The following TBXAS1 variants were observed in gnomAD, a reference collection of about 807,000 sequenced individuals.
TBXAS1 encodes the protein thromboxane-A synthase.
In TBXAS1, 48 loss-of-function variants were observed where a neutral mutation model predicts 60.7. The observed-to-expected ratio is 0.79, with a 90% confidence interval of 0.63 to 1.01. TBXAS1 has a LOEUF of 1.01. Among genes scored for constraint, TBXAS1 ranks in the 50% least tolerant of loss-of-function variants. The pLI, the probability that TBXAS1 is intolerant of heterozygous loss-of-function variation, is 0.00. For missense variants in TBXAS1, 685 were observed against 686.3 expected (o/e 1.00, Z 0.02); for synonymous variants, 287 against 269.7 (o/e 1.06, Z -0.63).
rs57545948 is a variant in TBXAS1 at position 139,852,935 on chromosome 7, TACACACAC to T, written c.90-19252_90-19245del. Among the ~76,000 whole-genome samples, 2,877 of 127,432 alleles carry T rather than the reference TACACACAC, an allele frequency of 0.023. 49 individuals carry two copies. The highest frequency in any genetic ancestry group is 0.04 in the East Asian group (166 of 4,138). 83.6% of individuals were successfully genotyped at this position (127,432 alleles called of 152,430 possible). A position where few individuals can be genotyped will look rare whatever the true frequency, so the allele number is the denominator to read the frequency against. ...TGTGTACCAACCTTGGCTACTCCAA[TACACACAC>T]ACACACACACACACACACACACACA... On this transcript the variant is annotated intron_variant, in intron 1 of 12. Coordinates refer to ENST00000448866, the MANE Select transcript of TBXAS1 (RefSeq NM_001061.7). This position sits in a 1 kb window ranked among gnomAD's most constrained non-coding sequence, Gnocchi z 4.4.
intron 3 of TBXAS1, among the ~76,000 whole-genome samples, chr7:139,891,203 C>T (rs1039790389): frequency 6.6e-6 from 1 of 151,702 alleles, no homozygotes; most frequent in African/African-American, 2.4e-5. Flanking sequence ...TGTGGGAGAA[C>T]TCTATGGGCT....
chr7:139,898,413 CTTTTTTTTTTTTTTTTTTTTT>C (rs71170921), intron 3 of TBXAS1, among the ~76,000 whole-genome samples: 3 of 82,222 alleles, frequency 3.6e-5, no homozygotes, highest in Non-Finnish European at 2.2e-5. Context: ...ACGTGCATGG[CTTTTTTTTTTTTTTTTTTTTT>C]TTTTTTTTTT....
At chr7:139,791,142 G>T (rs1797369021) in intron 4 of TBXAS1, among the ~76,000 whole-genome samples, 1 of 152,212 alleles carries the variant, frequency 6.6e-6, no homozygotes, top group Non-Finnish European at 1.5e-5. Context: ...CCACAAAAAA[G>T]AACCCAGAAA....
intron 5 of TBXAS1, among the ~76,000 whole-genome samples, chr7:139,939,474 A>AT (rs368458774): frequency 0.03 from 4,503 of 150,800 alleles, 200 homozygotes; most frequent in African/African-American, 0.1. Flanking sequence ...CTTGAAAGGC[A>AT]TTTTTTTCTA....
At chr7:139,892,909 A>G (rs1584784233) in intron 3 of TBXAS1, among the ~76,000 whole-genome samples, 2 of 152,158 alleles carry the variant, frequency 1.3e-5, no homozygotes, top group East Asian at 3.9e-4. Context: ...AAGGGGAGAC[A>G]GCACACATCA....
intron 4 of TBXAS1, among the ~76,000 whole-genome samples, chr7:139,823,138 A>C (rs188257763): frequency 2.7e-4 from 41 of 151,802 alleles, no homozygotes; most frequent in African/African-American, 8.2e-4. Context: ...GTCTAAGCTC[A>C]AATGTCATTA....
rs1569513247 is a variant in TBXAS1, at chr7:139,916,329, G to T, written c.333+5008G>T. On this transcript the variant is annotated intron_variant, in intron 4 of 12. Transcript: ENST00000448866. This position sits in a 1 kb window ranked among gnomAD's most constrained non-coding sequence, Gnocchi z 4.2. ...TAGCTTGGTCTGGTCAGATAGGCAT[G>T]TCAGGGATGTGTCAAAACACTAAGC... 6.6e-6 allele frequency among the ~76,000 whole-genome samples: 1 copy of T among 152,190 alleles called. No individual in the cohort carries two copies. The highest frequency in any genetic ancestry group is 1.5e-5 in the Non-Finnish European group (1 of 68,032).
chr7:139,806,552 C>T (rs141238969), intron 4 of TBXAS1, among the ~76,000 whole-genome samples: 48 of 151,676 alleles, frequency 3.2e-4, no homozygotes, highest in African/African-American at 9.9e-4. Context: ...CATGAGCCAC[C>T]GTGCCTGGCC....
chr7:139,918,328 T>C (rs921212377), intron 4 of TBXAS1, among the ~76,000 whole-genome samples: 1 of 152,166 alleles, frequency 6.6e-6, no homozygotes, highest in African/African-American at 2.4e-5. Flanking sequence ...CACGTGACCG[T>C]TGGCAGCCAC....
intron 4 of TBXAS1, among the ~76,000 whole-genome samples, chr7:139,824,172 A>G (rs1194623668): frequency 6.6e-6 from 1 of 152,196 alleles, no homozygotes; most frequent in East Asian, 1.9e-4. Flanking sequence ...AAAACAGTTG[A>G]CTCAATTCTA....
chr7:139,965,585 T>C (rs1158744197), intron 9 of TBXAS1, among the ~76,000 whole-genome samples: 1 of 152,060 alleles, frequency 6.6e-6, no homozygotes, highest in Non-Finnish European at 1.5e-5. Context: ...TGGTCCCTGG[T>C]TCCACTTTGA....
chr7:139,925,303 T>A (rs912680544), intron 4 of TBXAS1, among the ~76,000 whole-genome samples: 10 of 152,224 alleles, frequency 6.6e-5, no homozygotes, highest in Non-Finnish European at 1.5e-4. Context: ...CCATTTTTTT[T>A]GTATCTTCAA....
chr7:139,904,997 C>CTT (rs1292195756), intron 3 of TBXAS1, among the ~76,000 whole-genome samples: 1,404 of 92,858 alleles, frequency 0.015, 30 homozygotes, highest in African/African-American at 0.036. Flanking sequence ...CTCTCTTTCT[C>CTT]TCTTTCTCTC....
chr7:139,914,565 A>G (rs1410980948), intron 4 of TBXAS1, among the ~76,000 whole-genome samples: 3 of 152,144 alleles, frequency 2.0e-5, no homozygotes, highest in Non-Finnish European at 2.9e-5. Flanking sequence ...AGTACTTGGC[A>G]GGTGACACAT....
chr7:140,019,225 C>T (rs754806276), intron 12 of TBXAS1, among the ~76,000 whole-genome samples: 6 of 152,166 alleles, frequency 3.9e-5, no homozygotes, highest in African/African-American at 4.8e-5. Context: ...TGAAAGTGAA[C>T]GCATCCACAT....
In TBXAS1 at chr7:139,872,333, G is replaced by A. The variant is rs368506589; in HGVS notation, c.183+5G>A. 7.5e-4 allele frequency: 1,213 copies of A among 1,613,340 alleles called. 16 individuals carry two copies. The South Asian group carries it at 9.9e-3, about 13-fold the overall frequency. On this transcript the variant is annotated splice_donor_5th_base_variant and intron_variant, in intron 2 of 12. Transcript: ENST00000448866. ...AACTTGACATTTTTCCGCCAGGTAAGGGCTGTCTTCCATTGGCTTCCATCA... is the reference window on the plus strand; with the variant it reads ...AACTTGACATTTTTCCGCCAGGTAAAGGCTGTCTTCCATTGGCTTCCATCA...
chr7:140,002,507 T>C (rs1011701797), intron 9 of TBXAS1, among the ~76,000 whole-genome samples: 4 of 152,022 alleles, frequency 2.6e-5, no homozygotes, highest in Admixed American at 1.3e-4. Flanking sequence ...GTTCTGTCCC[T>C]GCTATTCCTG....
chr7:139,868,046 G>A (rs1260095074), intron 1 of TBXAS1, among the ~76,000 whole-genome samples: 1 of 152,156 alleles, frequency 6.6e-6, no homozygotes, highest in African/African-American at 2.4e-5. Context: ...AAAACCGAAA[G>A]ATGCTGTCTA....
chr7:139,966,868 AC>A (rs1810829902), intron 9 of TBXAS1, among the ~76,000 whole-genome samples: 1 of 151,744 alleles, frequency 6.6e-6, no homozygotes. Context: ...CCCTCCTTCT[AC>A]CCCTCCCCCA....
Sources: gnomAD v4.1 joint callset for allele counts (sites outside exome capture counted in the v4.1 genomes callset) on GRCh38, gnomAD v4.1.1 for gene constraint, Gnocchi (gnomAD v3.1) non-coding constraint, MANE v1.5 for transcripts, NCBI Gene and HGNC (gene_info 2026-07-23, HGNC 2026-07-21) for gene names.